Variants in HSBP1L1 observed in about 807,000 individuals in gnomAD.
HSBP1L1 encodes heat shock factor binding protein 1 like 1, also known as heat shock factor-binding protein 1-like protein 1.
A neutral mutation model predicts 9.7 loss-of-function variants in HSBP1L1; 8 were observed. The ratio of observed to expected loss-of-function variants is 0.82; its 90% confidence interval spans 0.48 to 1.48. HSBP1L1 has a LOEUF of 1.48. Among genes scored for constraint, HSBP1L1 ranks in the 40% most tolerant of loss-of-function variants. HSBP1L1 has a pLI of 0.00. For missense variants in HSBP1L1, 106 were observed against 95.8 expected (o/e 1.11, Z -0.44); for synonymous variants, 39 against 34.4 (o/e 1.13, Z -0.46).
Position 79,964,699 on chromosome 18 carries a change from C to T in HSBP1L1, c.-37C>T. The T allele has an allele frequency of 7.6e-7, 1 of 1,312,812 alleles. No homozygotes were observed. The highest frequency in any genetic ancestry group is 1.0e-6 in the Non-Finnish European group (1 of 994,746). 81.3% of individuals were successfully genotyped at this position (1,312,812 alleles called of 1,614,324 possible). ...CCTCGCGCCGGGTCCGCGCGGCCCA[C>T]GGGACCCCCCACTGACGCCCCCGGC... is the stretch of plus-strand genomic sequence containing the variant. On this transcript the variant is annotated 5_prime_UTR_variant, in exon 1 of 4. In the 5' UTR this introduces an upstream ATG that the reference lacks. Transcript: ENST00000451882.
chr18:79,969,196 A>G (rs1164068366), intron 3 of HSBP1L1, among the ~76,000 whole-genome samples: 1 of 42,484 alleles, frequency 2.4e-5, no homozygotes, highest in South Asian at 1.7e-3. Flanking sequence ...GAAAGAAAAG[A>G]AAGGAAAGAA....
intron 3 of HSBP1L1, among the ~76,000 whole-genome samples, chr18:79,969,199 GGAAA>G (rs199951699): frequency 0.021 from 1,699 of 81,998 alleles, 95 homozygotes; most frequent in African/African-American, 0.069. Flanking sequence ...AGAAAAGAAA[GGAAA>G]GAAAGAAAGA....
At chr18:79,968,969 G>A (rs1328366128) in intron 3 of HSBP1L1, among the ~76,000 whole-genome samples, 3 of 147,746 alleles carry the variant, frequency 2.0e-5, no homozygotes, top group African/African-American at 7.5e-5. Context: ...GGATCACGAG[G>A]TCAGGAGATC....
At chr18:79,965,795 C>G (rs1337232632) in intron 1 of HSBP1L1, among the ~76,000 whole-genome samples, 2 of 152,176 alleles carry the variant, frequency 1.3e-5, no homozygotes, top group Non-Finnish European at 2.9e-5. Flanking sequence ...TGGGTCCCTG[C>G]CCCGTCTGCA....
chr18:79,969,356 A>AAAGG (rs2051280312), intron 3 of HSBP1L1, among the ~76,000 whole-genome samples: 1 of 45,600 alleles, frequency 2.2e-5, no homozygotes, highest in East Asian at 1.5e-3. Flanking sequence ...AGAAAGAAAG[A>AAAGG]AAGAAAGAAA....
chr18:79,968,833 C>T (rs1430639214), intron 3 of HSBP1L1, among the ~76,000 whole-genome samples: 1 of 151,814 alleles, frequency 6.6e-6, no homozygotes, highest in African/African-American at 2.4e-5. Context: ...GTAAACATGC[C>T]ACAAAAGAAT....
rs900336632 is a variant in HSBP1L1 at position 79,970,525 on chromosome 18, C to A, written c.*74C>A. 5.6e-6 allele frequency: 4 copies of A among 717,076 alleles called. No individual in the cohort carries two copies. Among genetic ancestry groups the A allele is most frequent in the Admixed American group, 2.0e-5 (1 of 49,942 alleles). 44.4% of individuals were successfully genotyped at this position (717,076 alleles called of 1,614,324 possible). ...GGTTACATCGGTCCTGAGGGTGGGG[C>A]CCTCATCCAACAGGATTCGTCTTTC... On this transcript the variant is annotated 3_prime_UTR_variant, in exon 4 of 4. Transcript: ENST00000451882.
chr18:79,969,040 A>AT (rs1491561825), intron 3 of HSBP1L1, among the ~76,000 whole-genome samples: 1 of 143,844 alleles, frequency 7.0e-6, no homozygotes, highest in African/African-American at 2.6e-5. Context: ...AAAAAAAAAA[A>AT]TAGCCGGGTG....
At chr18:79,965,179 G>C in intron 1 of HSBP1L1, among the ~76,000 whole-genome samples, 1 of 152,088 alleles carries the variant, frequency 6.6e-6, no homozygotes, top group Non-Finnish European at 1.5e-5. Context: ...TGCCCGAAAG[G>C]GGACCCACGA....
At chr18:79,965,869 G>A (rs2051254001) in intron 1 of HSBP1L1, among the ~76,000 whole-genome samples, 1 of 152,140 alleles carries the variant, frequency 6.6e-6, no homozygotes, top group Admixed American at 6.5e-5. Flanking sequence ...GAATCCAAAG[G>A]CCTTAGCACC....
chr18:79,968,337 CTTT>C (rs1568356023), intron 3 of HSBP1L1, among the ~76,000 whole-genome samples, 154 bp downstream of exon 3: 1 of 152,232 alleles, frequency 6.6e-6, no homozygotes, highest in East Asian at 1.9e-4. Flanking sequence ...ATGCTCTCTT[CTTT>C]TTTTGAGGTG....
At chr18:79,965,594 T>G (rs2051252752) in intron 1 of HSBP1L1, among the ~76,000 whole-genome samples, 1 of 152,186 alleles carries the variant, frequency 6.6e-6, no homozygotes, top group Non-Finnish European at 1.5e-5. Context: ...AAGCAGTATA[T>G]AAACAGGAAA....
intron 3 of HSBP1L1, among the ~76,000 whole-genome samples, chr18:79,969,312 G>GAAAGAAAAA (rs1239781130): frequency 6.4e-5 from 3 of 47,110 alleles, no homozygotes; most frequent in South Asian, 8.6e-4. Context: ...GAGAGAGAAA[G>GAAAGAAAAA]GAAAGAAAGA....
intron 3 of HSBP1L1, among the ~76,000 whole-genome samples, chr18:79,968,868 G>T (rs1190631768): frequency 6.6e-6 from 1 of 151,792 alleles, no homozygotes; most frequent in East Asian, 2.0e-4. Context: ...CATGTTTAAA[G>T]CCATTAGTAA....
At chr18:79,966,898 C>T in intron 2 of HSBP1L1, 1 of 437,644 alleles carries the variant, frequency 2.3e-6, no homozygotes, top group South Asian at 2.4e-5. Flanking sequence ...CCTGTAATCC[C>T]AGCACTTTGG....
chr18:79,968,910 C>T (rs377719590), intron 3 of HSBP1L1, among the ~76,000 whole-genome samples: 3 of 150,370 alleles, frequency 2.0e-5, no homozygotes, highest in East Asian at 4.1e-4. Flanking sequence ...AGAAGCCAGG[C>T]GCGGTGGCTC....
intron 3 of HSBP1L1, among the ~76,000 whole-genome samples, chr18:79,969,566 G>T (rs2051284028): frequency 6.6e-6 from 1 of 152,116 alleles, no homozygotes; most frequent in Non-Finnish European, 1.5e-5. Flanking sequence ...AGATGGCAGT[G>T]CTCTGATTCT....
rs867102766 is a variant in HSBP1L1, at chr18:79,969,391, G to A, written c.214-1049G>A. The stretch of plus-strand genomic sequence containing the variant: ...AGAAAGAAAGAAAGAAAGAAAGAAA[G>A]AAAAAAAAACGATGCAGAATAGCGC... On this transcript the variant is annotated intron_variant, in intron 3 of 3. Coordinates refer to ENST00000451882, the MANE Select transcript of HSBP1L1 (RefSeq NM_001136180.2). Among the ~76,000 whole-genome samples, 175 of 92,982 alleles carry A rather than the reference G, an allele frequency of 1.9e-3. 4 individuals carry two copies. The highest frequency in any genetic ancestry group is 7.0e-3 in the African/African-American group (169 of 24,294). 61.0% of individuals were successfully genotyped at this position (92,982 alleles called of 152,430 possible). A position where few individuals can be genotyped will look rare whatever the true frequency, so the allele number is the denominator to read the frequency against.
At chr18:79,967,173 C>T (rs1012511517) in intron 2 of HSBP1L1, among the ~76,000 whole-genome samples, 1 of 149,972 alleles carries the variant, frequency 6.7e-6, no homozygotes, top group Non-Finnish European at 1.5e-5. Flanking sequence ...AAAGCTCTAC[C>T]TCCTGCTTGA....
Sources: allele counts gnomAD v4.1 joint callset (sites outside exome capture counted in the v4.1 genomes callset), GRCh38; gene constraint gnomAD v4.1.1; transcripts MANE v1.5; gene names NCBI Gene and HGNC (gene_info 2026-07-23, HGNC 2026-07-21).